ITGB2: variants seen among roughly 807,000 people sequenced by gnomAD.
ITGB2 encodes integrin beta-2.
A neutral mutation model predicts 86.8 loss-of-function variants in ITGB2; 56 were observed. That is an observed-to-expected ratio of 0.65 (90% confidence interval 0.52 to 0.81). ITGB2 has a LOEUF of 0.81. ITGB2 is among the 30% of genes least tolerant of loss of function. ITGB2 has a pLI of 0.00. For synonymous variants in ITGB2, 457 were observed against 450.4 expected (o/e 1.01, Z -0.19); for missense variants, 948 against 1,061.2 (o/e 0.89, Z 1.48).
intron 3 of ITGB2, among the ~76,000 whole-genome samples, chr21:44,909,660 A>T (rs2084099050): frequency 6.6e-6 from 1 of 152,188 alleles, no homozygotes; most frequent in Non-Finnish European, 1.5e-5. Flanking sequence ...CACCAGGAAA[A>T]TATGCTCACG....
chr21:44,916,298 A>G (rs964877919), intron 1 of ITGB2, among the ~76,000 whole-genome samples: 24 of 148,612 alleles, frequency 1.6e-4, no homozygotes, highest in African/African-American at 5.6e-4. Context: ...CGACACACAC[A>G]TATTAATAAG....
intron 6 of ITGB2, 90 bp from the exon 7 acceptor site, chr21:44,900,565 G>A (rs1304084741): frequency 1.3e-6 from 2 of 1,534,444 alleles, no homozygotes; most frequent in Admixed American, 3.4e-5. Context: ...GAGCTGGTGG[G>A]GTGGCCCGGA....
intron 13 of ITGB2, 159 bp downstream of exon 13, chr21:44,889,117 G>C: frequency 1.5e-6 from 1 of 684,946 alleles, no homozygotes; most frequent in Non-Finnish European, 2.4e-6. Context: ...AGGGACACAG[G>C]GGCACGGCGG....
chr21:44,916,964 C>T (rs1460153084), intron 1 of ITGB2, among the ~76,000 whole-genome samples: 1 of 151,766 alleles, frequency 6.6e-6, no homozygotes, highest in East Asian at 1.9e-4. Context: ...GAGGAAATAG[C>T]TATTATCTCT....
At chr21:44,889,172 C>T (rs1230607016) in intron 13 of ITGB2, 104 bp downstream of exon 13, 21 of 1,125,216 alleles carry the variant, frequency 1.9e-5, no homozygotes, top group South Asian at 5.4e-5. Flanking sequence ...GAGAACCCCG[C>T]GGTGCAGAGG....
intron 1 of ITGB2, 98 bp from the exon 2 acceptor site, chr21:44,910,883 G>A: frequency 7.9e-7 from 1 of 1,265,270 alleles, no homozygotes; most frequent in Middle Eastern, 2.5e-4. Flanking sequence ...CAAGGAGCTG[G>A]GGCCCTGTCC....
chr21:44,887,697 G>A (rs572025286), intron 14 of ITGB2, among the ~76,000 whole-genome samples: 1 of 152,292 alleles, frequency 6.6e-6, no homozygotes, highest in Non-Finnish European at 1.5e-5. Flanking sequence ...TGTCCTCAAA[G>A]GTGAAGTGAC....
At position 44,888,715 on chromosome 21, in the gene ITGB2, G is replaced by C. The variant is rs117884186; in HGVS notation, c.2058C>G (p.Leu686=). ...LEQQDGMDRY[L]IYVDESRECV... ...CACCTCGGCTCTCATCCACATAGAT[G>C]AGGTAGCGGTCCATCCCGTCCTGCT... is the stretch of plus-strand genomic sequence containing the variant. Residue 686 remains leucine (L), a synonymous_variant, in exon 14 of 16, where the codon CTC becomes CTG. Transcript: ENST00000652462. 1,931 of 1,610,024 alleles carry C rather than the reference G, an allele frequency of 1.2e-3. 28 individuals are homozygous for C. In the East Asian group the frequency reaches 0.025, roughly 21 times the overall value.
At chr21:44,918,976 TC>T (rs2084252540) in intron 1 of ITGB2, among the ~76,000 whole-genome samples, 1 of 152,154 alleles carries the variant, frequency 6.6e-6, no homozygotes, top group Admixed American at 6.6e-5. Context: ...GCGTCCCCTC[TC>T]CCAGCACTCG....
chr21:44,901,576 G>C lies in ITGB2; in HGVS notation c.657C>G (p.Thr219=). The C allele has an allele frequency of 6.2e-7, 1 of 1,614,260 alleles. No individual in the cohort carries two copies. Among genetic ancestry groups the C allele is most frequent in the Non-Finnish European group, 8.5e-7 (1 of 1,180,052 alleles). The part of the protein sequence containing the change: ...KLTNNSNQFQ[T]EVGKQLISGN... ...CGGAAATCAGCTGCTTCCCGACCTC[G>C]GTCTGAAACTGGTTGGAGTTGTTGG... The change falls in exon 6 of 16, where the codon ACC becomes ACG. Residue 219 remains threonine (T), a synonymous_variant. Coordinates refer to ENST00000652462, the MANE Select transcript of ITGB2 (RefSeq NM_000211.5).
At chr21:44,887,492 G>T (rs1274072767) in intron 14 of ITGB2, among the ~76,000 whole-genome samples, 1 of 152,064 alleles carries the variant, frequency 6.6e-6, no homozygotes, top group Admixed American at 6.5e-5. Flanking sequence ...GCAGTCCCTG[G>T]CCTGGTCTGG....
rs1304263258 is a variant in ITGB2, at chr21:44,888,705, C to G, written c.2068G>C (p.Asp690His). The G allele has an allele frequency of 8.1e-6, 13 of 1,609,124 alleles. No individual in the cohort carries two copies. The highest frequency in any genetic ancestry group is 1.1e-5 in the Non-Finnish European group (13 of 1,179,948). Residue 690 changes from aspartate (D) to histidine (H), a missense_variant, in exon 14 of 16, where the codon GAT becomes CAT. By Grantham distance (81) the Asp-to-His change is moderately conservative. Transcript: ENST00000652462. ...DGMDRYLIYV[D>H]ESRECVAGPN... ...CCAGCGGCCTCACCTCGGCTCTCAT[C>G]CACATAGATGAGGTAGCGGTCCATC...
upstream of ITGB2, among the ~76,000 whole-genome samples, chr21:44,924,112 A>G (rs1048556917): frequency 6.6e-6 from 1 of 152,116 alleles, no homozygotes; most frequent in African/African-American, 2.4e-5. Context: ...AACAGCAAAT[A>G]TCTCTAACAG....
intron 1 of ITGB2, among the ~76,000 whole-genome samples, chr21:44,918,816 T>C (rs2084249019): frequency 1.3e-5 from 2 of 152,200 alleles, no homozygotes; most frequent in Non-Finnish European, 2.9e-5. Context: ...TCCAGCTGCC[T>C]GGGCAGTGTT....
At chr21:44,915,691 C>T (rs372829041) in intron 1 of ITGB2, among the ~76,000 whole-genome samples, 2 of 152,156 alleles carry the variant, frequency 1.3e-5, no homozygotes, top group Non-Finnish European at 2.9e-5. Context: ...AGAGAAGTGC[C>T]GTCAGGTGGG....
At chr21:44,903,648 A>C in intron 4 of ITGB2, 113 bp from the exon 5 acceptor site, 9 of 1,257,658 alleles carry the variant, frequency 7.2e-6, no homozygotes, top group Non-Finnish European at 9.0e-6. Context: ...CAGCCCCCAA[A>C]TCCTCCTGAC....
chr21:44,912,355 T>A (rs1054535548), intron 1 of ITGB2, among the ~76,000 whole-genome samples: 1 of 152,168 alleles, frequency 6.6e-6, no homozygotes, highest in African/African-American at 2.4e-5. Flanking sequence ...CCTGCACCTG[T>A]GCTGGGGGCT....
At chr21:44,904,227 T>G (rs1019854471) in intron 4 of ITGB2, among the ~76,000 whole-genome samples, 1 of 152,026 alleles carries the variant, frequency 6.6e-6, no homozygotes, top group African/African-American at 2.4e-5. Context: ...GCAGGACAAG[T>G]GCAGAGCCCA....
intron 1 of ITGB2, among the ~76,000 whole-genome samples, chr21:44,919,089 G>A (rs368357865): frequency 6.6e-5 from 9 of 135,704 alleles, no homozygotes; most frequent in Non-Finnish European, 1.3e-4. Context: ...CGGCAGTGAC[G>A]CTGCGGAGCT....
Sources: gnomAD v4.1 joint callset for allele counts (sites outside exome capture counted in the v4.1 genomes callset) on GRCh38, gnomAD v4.1.1 for gene constraint, MANE v1.5 for transcripts, NCBI Gene and HGNC (gene_info 2026-07-23, HGNC 2026-07-21) for gene names.